CSMD1: variants seen among roughly 807,000 people sequenced by gnomAD.
CSMD1 encodes CUB and Sushi multiple domains 1.
Under a neutral mutation model 417.5 loss-of-function variants are expected in CSMD1, and 213 were observed. That is an observed-to-expected ratio of 0.51 (90% CI 0.46 to 0.57). The LOEUF is 0.57. CSMD1 is among the 20% of genes least tolerant of loss of function. The probability of loss-of-function intolerance (pLI) is 0.00; values close to 1 mark genes in which losing one functional copy is unlikely to be tolerated. For synonymous variants in CSMD1, 2,862 were observed against 1,736.8 expected, an observed-to-expected ratio of 1.65 and a Z score of -16.11; for missense variants, 6,923 against 4,529.7, an observed-to-expected ratio of 1.53 and a Z score of -15.17.
chr8:4,632,599 T>G (rs1802587795), intron 2 of CSMD1, among the ~76,000 whole-genome samples: 1 of 152,120 alleles, frequency 6.6e-6, no homozygotes, highest in Non-Finnish European at 1.5e-5. Flanking sequence ...CCTCAGAGGA[T>G]TATGTTCTAT....
chr8:3,324,499 T>TTCTTCACTGTTAAAATAGACACACAC (rs1806385977), intron 23 of CSMD1, among the ~76,000 whole-genome samples: 3 of 93,432 alleles, frequency 3.2e-5, no homozygotes, highest in Admixed American at 1.1e-4. Flanking sequence ...TAGACACACA[T>TTCTTCACTGTTAAAATAGACACACAC]TCAACCCCCA....
intron 4 of CSMD1, among the ~76,000 whole-genome samples, chr8:4,004,918 G>C (rs1405520129): frequency 6.6e-6 from 1 of 151,964 alleles, no homozygotes; most frequent in East Asian, 1.9e-4. Flanking sequence ...CTAATTTTTT[G>C]TATTTTTAGT....
At chr8:4,731,689 T>C (rs1012055730) in intron 1 of CSMD1, among the ~76,000 whole-genome samples, 2 of 152,158 alleles carry the variant, frequency 1.3e-5, no homozygotes, top group African/African-American at 4.8e-5. Flanking sequence ...AGACTAGCAC[T>C]GTTTCAAAGC....
chr8:4,087,422 A>G (rs530411860), intron 3 of CSMD1, among the ~76,000 whole-genome samples: 5 of 152,318 alleles, frequency 3.3e-5, no homozygotes, highest in Non-Finnish European at 7.3e-5. Flanking sequence ...GATGCTCTTA[A>G]TTCTCTCAAT....
At chr8:3,867,124 A>G (rs145614829) in intron 5 of CSMD1, among the ~76,000 whole-genome samples, 111 of 152,210 alleles carry the variant, frequency 7.3e-4, no homozygotes, top group Non-Finnish European at 1.3e-3. Flanking sequence ...TTTTTCTACT[A>G]TACTGTTTTT....
intron 3 of CSMD1, among the ~76,000 whole-genome samples, chr8:4,227,674 G>A (rs915670233): frequency 2.6e-5 from 4 of 151,764 alleles, no homozygotes; most frequent in African/African-American, 2.4e-5. Flanking sequence ...GGCAGACACA[G>A]CCTCCATCCT....
chr8:4,843,607 G>A (rs1299985970), intron 1 of CSMD1, among the ~76,000 whole-genome samples: 1 of 152,164 alleles, frequency 6.6e-6, no homozygotes, highest in Non-Finnish European at 1.5e-5. Context: ...GTCCAAGCCA[G>A]GAGTTCTGTT....
intron 12 of CSMD1, among the ~76,000 whole-genome samples, chr8:3,437,822 A>C (rs1236069252): frequency 6.6e-6 from 1 of 150,940 alleles, no homozygotes; most frequent in Non-Finnish European, 1.5e-5. Context: ...ATCTCGGCTC[A>C]CTGCAACCTC....
At chr8:3,737,104 A>C (rs898764566) in intron 6 of CSMD1, among the ~76,000 whole-genome samples, 1 of 152,236 alleles carries the variant, frequency 6.6e-6, no homozygotes, top group East Asian at 1.9e-4. Context: ...TGTAACTACA[A>C]TAGTCCCATA....
chr8:3,374,665 CAGA>C (rs1554530011), intron 18 of CSMD1, among the ~76,000 whole-genome samples: 1 of 152,154 alleles, frequency 6.6e-6, no homozygotes, highest in Non-Finnish European at 1.5e-5. Flanking sequence ...GGAGGAAATG[CAGA>C]AGATCAGAAG....
rs183711323 is a variant in CSMD1 at position 3,939,538 on chromosome 8, G to A, written c.818+58365C>T. Among the ~76,000 whole-genome samples the A allele has an allele frequency of 8.5e-5, 13 of 152,190 alleles. No homozygotes were observed. In the East Asian group the frequency reaches 1.7e-3, roughly 20 times the overall value. Reference sequence around the variant, plus strand: ...TTGGTATCTACTCAAAGGAAAAGACGTCATCATATGAAAAAGGCACATGCA... The same window carrying A: ...TTGGTATCTACTCAAAGGAAAAGACATCATCATATGAAAAAGGCACATGCA... On this transcript the variant is annotated intron_variant, in intron 5 of 69. Coordinates refer to ENST00000635120, the MANE Select transcript of CSMD1 (RefSeq NM_033225.6).
chr8:3,504,547 G>C (rs1373307791), intron 10 of CSMD1, among the ~76,000 whole-genome samples: 1 of 152,134 alleles, frequency 6.6e-6, no homozygotes, highest in African/African-American at 2.4e-5. Context: ...CCAGACCCAG[G>C]CACATTCTGC....
At chr8:4,064,700 T>C (rs1017020707) in intron 3 of CSMD1, among the ~76,000 whole-genome samples, 2 of 152,220 alleles carry the variant, frequency 1.3e-5, no homozygotes, top group Non-Finnish European at 1.5e-5. Flanking sequence ...CCCTGGCGTG[T>C]TGGTCACCCC....
chr8:3,262,601 G>C (rs1585844294), intron 26 of CSMD1, among the ~76,000 whole-genome samples: 1 of 151,840 alleles, frequency 6.6e-6, no homozygotes, highest in Non-Finnish European at 1.5e-5. Context: ...CTCTGAAAAT[G>C]TGAAAGATTA....
chr8:3,931,123 C>T lies in CSMD1; in HGVS notation c.818+66780G>A, dbSNP rs990901302. Among the ~76,000 whole-genome samples the T allele has an allele frequency of 6.6e-5, 10 of 150,540 alleles. No individual in the cohort carries two copies. In the East Asian group the frequency reaches 1.7e-3, roughly 26 times the overall value. Reference sequence around the variant, plus strand: ...ATCATTAAAGCCTAGGCCGATATTGCAGGGTAACCATAGATAATTTCAGCT... The same window carrying T: ...ATCATTAAAGCCTAGGCCGATATTGTAGGGTAACCATAGATAATTTCAGCT... On this transcript the variant is annotated intron_variant, in intron 5 of 69. Transcript: ENST00000635120.
At chr8:4,133,886 A>G (rs1803260926) in intron 3 of CSMD1, among the ~76,000 whole-genome samples, 2 of 152,312 alleles carry the variant, frequency 1.3e-5, no homozygotes, top group South Asian at 2.1e-4. Flanking sequence ...ATTTTTTATA[A>G]GAAATCTTGT....
At chr8:3,437,035 G>A (rs944327002) in intron 12 of CSMD1, among the ~76,000 whole-genome samples, 1 of 152,196 alleles carries the variant, frequency 6.6e-6, no homozygotes, top group African/African-American at 2.4e-5. Flanking sequence ...CATTTAAAGT[G>A]TGGAGCTTAA....
chr8:3,698,231 G>T (rs747727758), intron 7 of CSMD1, among the ~76,000 whole-genome samples: 4 of 152,236 alleles, frequency 2.6e-5, no homozygotes, highest in Non-Finnish European at 5.9e-5. Flanking sequence ...ACAAACGCCT[G>T]TTTAGAAAGT....
chr8:4,047,677 C>G lies in CSMD1; in HGVS notation c.416-15578G>C, dbSNP rs184523203. Among the ~76,000 whole-genome samples the G allele has an allele frequency of 9.2e-4, 139 of 151,852 alleles. 1 individual carries two copies. In the East Asian group the frequency reaches 0.019, roughly 21 times the overall value. On this transcript the variant is annotated intron_variant, in intron 3 of 69. Coordinates refer to ENST00000635120, the MANE Select transcript of CSMD1 (RefSeq NM_033225.6). ...ATTTGGGGCATGCAGAGAGAAGAAA[C>G]ACCATTAAAAAAATAAAATTTGTAA...
Sources: allele counts gnomAD v4.1 joint callset (sites outside exome capture counted in the v4.1 genomes callset), GRCh38; gene constraint gnomAD v4.1.1; transcripts MANE v1.5; gene names NCBI Gene and HGNC (gene_info 2026-07-23, HGNC 2026-07-21).